The following ENO1 variants were observed in gnomAD, a reference collection of about 807,000 sequenced individuals.
ENO1 encodes the protein alpha-enolase.
A neutral mutation model predicts 46.3 loss-of-function variants in ENO1; 33 were observed. The ratio of observed to expected loss-of-function variants is 0.71; its 90% CI spans 0.54 to 0.95. The LOEUF (loss-of-function observed/expected upper bound fraction) is 0.95. ENO1 is among the 40% of genes least tolerant of loss of function. ENO1 has a pLI of 0.00. For missense variants in ENO1, 488 were observed against 553.3 expected (o/e 0.88, Z 1.18); for synonymous variants, 220 against 216.0 (o/e 1.02, Z -0.16).
In ENO1 at chr1:8,861,017, G is replaced by A; in HGVS notation, c.*343C>T. The A allele has an allele frequency of 4.1e-6, 1 of 246,036 alleles. No individual in the cohort carries two copies. Among genetic ancestry groups the A allele is most frequent in the Admixed American group, 5.1e-5 (1 of 19,714 alleles). The allele number at this position is 246,036 out of a possible 1,614,324, so 15.2% of individuals were successfully genotyped here. Reference sequence around the variant, plus strand: ...ACACGGAGTATTCTCATGGGTCACTGAGGCTTTTTATTTTGAGCACAAAAC... The same window carrying A: ...ACACGGAGTATTCTCATGGGTCACTAAGGCTTTTTATTTTGAGCACAAAAC... On this transcript the variant is annotated 3_prime_UTR_variant, in exon 12 of 12. Coordinates refer to ENST00000234590, the MANE Select transcript of ENO1 (RefSeq NM_001428.5).
At chr1:8,873,261 G>A (rs920919208) in intron 2 of ENO1, among the ~76,000 whole-genome samples, 1 of 152,200 alleles carries the variant, frequency 6.6e-6, no homozygotes, top group Admixed American at 6.5e-5. Context: ...GAGGCAGTGG[G>A]TACTCATGGG....
At chr1:8,870,342 T>C in intron 4 of ENO1, 110 bp downstream of exon 4, 4 of 1,376,016 alleles carry the variant, frequency 2.9e-6, no homozygotes, top group South Asian at 2.4e-5. Context: ...GGGAATCCAA[T>C]AGGCTTCTAC....
At chr1:8,876,611 G>T (rs954368923) in intron 1 of ENO1, among the ~76,000 whole-genome samples, 15 of 152,070 alleles carry the variant, frequency 9.9e-5, no homozygotes, top group African/African-American at 3.4e-4. Context: ...ACGAAAGAAA[G>T]TCTTGGCCGG....
In ENO1 at chr1:8,867,923, G is replaced by A. The variant is rs998831510; in HGVS notation, c.310+65C>T. 5 of 1,419,020 alleles carry A rather than the reference G, an allele frequency of 3.5e-6. No individual in the cohort carries two copies. In the Admixed American group the frequency reaches 5.3e-5, roughly 15 times the overall value. 87.9% of individuals were successfully genotyped at this position (1,419,020 alleles called of 1,614,324 possible). On this transcript the variant is annotated intron_variant, in intron 5 of 11. Transcript: ENST00000234590. Reference sequence around the variant, plus strand: ...TAAGATCATGGGCCTCTTCCTGAAAGGTTTTAAAATCTTCAGGAGACTTCA... The same window carrying A: ...TAAGATCATGGGCCTCTTCCTGAAAAGTTTTAAAATCTTCAGGAGACTTCA...
At chr1:8,870,807 G>C (rs758413287) in intron 3 of ENO1, 9 of 1,385,850 alleles carry the variant, frequency 6.5e-6, no homozygotes, top group Non-Finnish European at 8.4e-6. Context: ...GCAGACTAAA[G>C]GCTGTTCAAT....
chr1:8,874,721 G>A (rs922582910), intron 2 of ENO1, 103 bp downstream of exon 2: 3 of 1,045,884 alleles, frequency 2.9e-6, no homozygotes, highest in East Asian at 2.5e-5. Flanking sequence ...AGAAAGAAAA[G>A]CTTTAACAGA....
chr1:8,874,785 G>A (rs142536267), intron 2 of ENO1, 39 bp downstream of exon 2: 7 of 1,561,162 alleles, frequency 4.5e-6, no homozygotes, highest in African/African-American at 2.7e-5. Context: ...AATGAAGCAC[G>A]GTGGAAGGAA....
At chr1:8,877,436 G>A (rs981158390) in intron 1 of ENO1, 22 of 152,292 alleles carry the variant, frequency 1.4e-4, no homozygotes, top group African/African-American at 5.3e-4. Flanking sequence ...CCCCGAATTA[G>A]GGACACGGTA....
intron 5 of ENO1, among the ~76,000 whole-genome samples, chr1:8,867,601 G>T (rs1642549216): frequency 6.6e-6 from 1 of 151,458 alleles, no homozygotes; most frequent in South Asian, 2.1e-4. Flanking sequence ...TATTGCCCAG[G>T]CTGCAGTGCA....
At chr1:8,862,976 G>A (rs1642436478) in intron 10 of ENO1, 31 bp from the exon 11 acceptor site, 1 of 1,612,116 alleles carries the variant, frequency 6.2e-7, no homozygotes, top group African/African-American at 1.3e-5. Flanking sequence ...TTTGCTTACA[G>A]CGGACAAGCT....
chr1:8,863,656 G>C (rs28999095), intron 9 of ENO1, among the ~76,000 whole-genome samples: 1 of 152,176 alleles, frequency 6.6e-6, no homozygotes, highest in Non-Finnish European at 1.5e-5. Context: ...TGCCCAGGCT[G>C]GTCTTGAGCT....
rs376242514 is a variant in ENO1, at chr1:8,867,837, T to C, written c.310+151A>G. The C allele has an allele frequency of 5.2e-5, 39 of 755,752 alleles. No individual in the cohort carries two copies. In the African/African-American group the frequency reaches 6.5e-4, roughly 13 times the overall value. The allele number at this position is 755,752 out of a possible 1,614,324, so 46.8% of individuals were successfully genotyped here. A position where few individuals can be genotyped will look rare whatever the true frequency, so the allele number is the denominator to read the frequency against. ...GAGCCACCGCACCTGGCCAAAAGTG[T>C]GATTTCTTAAGAGTAAAGCAAAGAA... On this transcript the variant is annotated intron_variant, in intron 5 of 11. Transcript: ENST00000234590.
intron 2 of ENO1, among the ~76,000 whole-genome samples, chr1:8,872,563 AG>A (rs1391849297): frequency 6.6e-6 from 1 of 152,104 alleles, no homozygotes; most frequent in Non-Finnish European, 1.5e-5. Flanking sequence ...TTTTATTTTT[AG>A]TAAAGATGGG....
chr1:8,863,402 AATGCCATTACCCCTC>A (rs1436307478), intron 9 of ENO1, 59 bp from the exon 10 acceptor site: 1 of 1,521,518 alleles, frequency 6.6e-7, no homozygotes. Flanking sequence ...CATAACCCCC[AATGCCATTACCCCTC>A]GGTGCCAGCA....
intron 2 of ENO1, among the ~76,000 whole-genome samples, chr1:8,873,071 G>A (rs527895196): frequency 6.6e-6 from 1 of 152,310 alleles, no homozygotes; most frequent in Admixed American, 6.5e-5. Flanking sequence ...CTATCAACAG[G>A]TCATACTTCC....
intron 6 of ENO1, 53 bp from the exon 7 acceptor site, chr1:8,866,554 G>A: frequency 1.3e-6 from 2 of 1,588,056 alleles, no homozygotes; most frequent in Middle Eastern, 1.7e-4. Context: ...AGCCCCACAG[G>A]GCAGTAAGCC....
At chr1:8,870,808 G>A (rs1642615723) in intron 3 of ENO1, 2 of 1,385,346 alleles carry the variant, frequency 1.4e-6, no homozygotes, top group Non-Finnish European at 1.9e-6. Flanking sequence ...CAGACTAAAG[G>A]CTGTTCAATC....
chr1:8,873,096 C>T (rs1036856027), intron 2 of ENO1, among the ~76,000 whole-genome samples: 1 of 152,180 alleles, frequency 6.6e-6, no homozygotes, highest in South Asian at 2.1e-4. Context: ...TGAAAGCTGC[C>T]CTGGCTCCCT....
intron 4 of ENO1, among the ~76,000 whole-genome samples, chr1:8,869,733 T>C (rs1196094245): frequency 6.6e-6 from 1 of 152,194 alleles, no homozygotes; most frequent in Non-Finnish European, 1.5e-5. Context: ...CCAATTTTTG[T>C]ACTTTTAGTA....
Sources: gnomAD v4.1 joint callset for allele counts (sites outside exome capture counted in the v4.1 genomes callset) on GRCh38, gnomAD v4.1.1 for gene constraint, MANE v1.5 for transcripts, NCBI Gene and HGNC (gene_info 2026-07-23, HGNC 2026-07-21) for gene names.